Variants in PDXDC1 observed in about 807,000 individuals in gnomAD.
The protein encoded by PDXDC1 is pyridoxal-dependent decarboxylase domain-containing protein 1.
PDXDC1 carries 42 observed loss-of-function variants against 100.1 expected under a neutral mutation model. That is an observed-to-expected ratio of 0.42 (90% CI 0.33 to 0.54). PDXDC1 has a LOEUF of 0.54. Among genes scored for constraint, PDXDC1 ranks in the 20% least tolerant of loss-of-function variants. PDXDC1 has a pLI of 0.10. For missense variants in PDXDC1, 636 were observed against 979.2 expected (o/e 0.65, Z 4.68); for synonymous variants, 260 against 371.7 (o/e 0.70, Z 3.46).
intron 16 of PDXDC1, among the ~76,000 whole-genome samples, chr16:15,072,561 C>T (rs28447430): frequency 5.3e-5 from 8 of 152,018 alleles, no homozygotes; most frequent in Non-Finnish European, 1.0e-4. Flanking sequence ...CAACGCTTTG[C>T]GGGGCAGGAG....
intron 8 of PDXDC1, among the ~76,000 whole-genome samples, chr16:15,010,159 G>C (rs951666747): frequency 6.6e-6 from 1 of 152,274 alleles, no homozygotes; most frequent in African/African-American, 2.4e-5. Flanking sequence ...TGTTTCTCCT[G>C]CCTCAACCTC....
intron 16 of PDXDC1, chr16:15,121,931 A>C (rs1328767409): frequency 7.8e-6 from 2 of 255,716 alleles, no homozygotes; most frequent in African/African-American, 2.4e-5. Flanking sequence ...TCACGAGGTC[A>C]AGAGATGGAG....
chr16:15,031,962 G>A, intron 17 of PDXDC1, 56 bp downstream of exon 17: 19 of 1,416,722 alleles, frequency 1.3e-5, no homozygotes, highest in Non-Finnish European at 1.8e-5. Context: ...AAGAACATGA[G>A]TGGGTCATTT....
chr16:15,005,230 G>A (rs1440319222), intron 5 of PDXDC1, among the ~76,000 whole-genome samples: 1 of 151,700 alleles, frequency 6.6e-6, no homozygotes, highest in African/African-American at 2.4e-5. Flanking sequence ...GTGGTAGTGA[G>A]CACCTGTAGT....
chr16:15,151,424 C>CAAA, the PDXDC1 span, among the ~76,000 whole-genome samples: 75 of 14,432 alleles, frequency 5.2e-3, 7 homozygotes, highest in Non-Finnish European at 7.8e-3. Context: ...GACTCCGTCT[C>CAAA]AAAAAAAAAA....
chr16:15,089,384 A>G (rs2046029739), intron 16 of PDXDC1, among the ~76,000 whole-genome samples: 1 of 152,160 alleles, frequency 6.6e-6, no homozygotes, highest in Non-Finnish European at 1.5e-5. Flanking sequence ...GGTAGATTTC[A>G]AAGCCATGAA....
At position 14,998,471 on chromosome 16, in the gene PDXDC1, G is replaced by A. The variant is rs1166848882; in HGVS notation, c.161+66G>A. 3 of 1,542,108 alleles carry A rather than the reference G, an allele frequency of 1.9e-6. No individual in the cohort carries two copies. In the East Asian group the frequency reaches 6.9e-5, roughly 36 times the overall value. On this transcript the variant is annotated intron_variant, in intron 3 of 22. Coordinates refer to ENST00000396410, the MANE Select transcript of PDXDC1 (RefSeq NM_015027.4). ...AATTTTTGTTTGTTTCTGAGATGGAGTCGTGCTCTGTTGCCCAGGATGGTG... is the reference window on the plus strand; with the variant it reads ...AATTTTTGTTTGTTTCTGAGATGGAATCGTGCTCTGTTGCCCAGGATGGTG...
intron 1 of PDXDC1, among the ~76,000 whole-genome samples, chr16:14,984,476 CATATATATAT>C (rs749990542): frequency 2.2e-5 from 2 of 92,720 alleles, no homozygotes; most frequent in Non-Finnish European, 3.9e-5. Flanking sequence ...TGTGTGTATA[CATATATATAT>C]ATATATATAT....
chr16:15,092,009 T>G (rs1369519437), intron 16 of PDXDC1, among the ~76,000 whole-genome samples: 2 of 152,032 alleles, frequency 1.3e-5, no homozygotes, highest in African/African-American at 4.8e-5. Context: ...AAACCCTGCC[T>G]CTACTAAAAA....
intron 16 of PDXDC1, among the ~76,000 whole-genome samples, chr16:15,030,703 C>T (rs2042999195): frequency 6.6e-6 from 1 of 151,508 alleles, no homozygotes; most frequent in African/African-American, 2.4e-5. Flanking sequence ...CCCACCTCAG[C>T]CCCCGAGGAG....
At chr16:15,095,552 T>C (rs1274220847) in intron 16 of PDXDC1, among the ~76,000 whole-genome samples, 1 of 152,030 alleles carries the variant, frequency 6.6e-6, no homozygotes, top group Non-Finnish European at 1.5e-5. Context: ...AATAAGTTTT[T>C]AAAAATGCAT....
upstream of PDXDC1, chr16:14,974,865 T>G: frequency 6.5e-7 from 1 of 1,535,656 alleles, no homozygotes. Context: ...TTATTATACT[T>G]CTACCTTGAT....
chr16:14,999,907 A>G (rs1290860343), intron 3 of PDXDC1, among the ~76,000 whole-genome samples: 4 of 152,256 alleles, frequency 2.6e-5, no homozygotes, highest in East Asian at 1.9e-4. Context: ...AAACAGTACA[A>G]CTCCCTTAAA....
intron 16 of PDXDC1, among the ~76,000 whole-genome samples, chr16:15,074,425 AGT>A (rs2045365880): frequency 6.6e-6 from 1 of 152,218 alleles, no homozygotes; most frequent in South Asian, 2.1e-4. Flanking sequence ...ATCATTCTTC[AGT>A]GCATTCAGCA....
In PDXDC1 at chr16:15,018,458, G is replaced by A. The variant is rs1440804077; in HGVS notation, c.964-382G>A. Among the ~76,000 whole-genome samples the A allele has an allele frequency of 5.9e-5, 9 of 152,396 alleles. No individual in the cohort carries two copies. In the East Asian group the frequency reaches 1.2e-3, roughly 20 times the overall value. On this transcript the variant is annotated intron_variant, in intron 11 of 22. Coordinates refer to ENST00000396410, the MANE Select transcript of PDXDC1 (RefSeq NM_015027.4). ...GTGGTTCTTGATAATATAGGTCAGC[G>A]TGCAAAATAAGGTTTAAGTGATTTC... is the stretch of plus-strand genomic sequence containing the variant.
the PDXDC1 span, among the ~76,000 whole-genome samples, chr16:15,144,442 C>G: frequency 6.6e-6 from 1 of 152,158 alleles, no homozygotes; most frequent in Admixed American, 6.5e-5. Flanking sequence ...CCGCCTACCA[C>G]TTCCATGGGG....
downstream of PDXDC1, among the ~76,000 whole-genome samples, chr16:15,142,421 C>A (rs2151934839): frequency 6.6e-6 from 1 of 152,244 alleles, no homozygotes; most frequent in South Asian, 2.1e-4. Context: ...GCAGCAAGGT[C>A]TTGGGGACCC....
chr16:15,136,086 C>T lies in PDXDC1; in HGVS notation c.1400-2793C>T, dbSNP rs1352740927. 2.3e-5 allele frequency: 36 copies of T among 1,582,700 alleles called. No individual in the cohort carries two copies. In the East Asian group the frequency reaches 2.7e-4, roughly 12 times the overall value. On this transcript the variant is annotated intron_variant, in intron 16 of 16. Coordinates refer to the PDXDC1 transcript ENST00000535621. ...CCTCGCCCTGCGGCGCTGGGCCCAC[C>T]TCCACCCGCTGCACAGTCGAGAAGC...
Position 15,083,365 on chromosome 16 carries a change from C to T in PDXDC1, c.1399+53309C>T, listed in dbSNP as rs138897035. On this transcript the variant is annotated intron_variant, in intron 16 of 16. Coordinates refer to the PDXDC1 transcript ENST00000535621. ...AGTGAGCCAAGATGACGCCATTGCA[C>T]TCCAGCTTGGGCGACAGAGTGAGAC... is the stretch of plus-strand genomic sequence containing the variant. 6,823 of 1,308,464 alleles carry T rather than the reference C, an allele frequency of 5.2e-3. 25 individuals carry two copies. The highest frequency in any genetic ancestry group is 6.4e-3 in the Non-Finnish European group (6,227 of 965,848). 81.1% of individuals were successfully genotyped at this position (1,308,464 alleles called of 1,614,324 possible). A position where few individuals can be genotyped will look rare whatever the true frequency, so the allele number is the denominator to read the frequency against.
Sources: gnomAD v4.1 joint callset for allele counts (sites outside exome capture counted in the v4.1 genomes callset) on GRCh38, gnomAD v4.1.1 for gene constraint, MANE v1.5 for transcripts, NCBI Gene and HGNC (gene_info 2026-07-23, HGNC 2026-07-21) for gene names.